Variants in ADGRL2 observed in about 807,000 individuals in gnomAD.
ADGRL2 encodes calcium-independent alpha-latrotoxin receptor 2.
ADGRL2 carries 44 observed loss-of-function variants against 157.4 expected under a neutral mutation model. That is an observed-to-expected ratio of 0.28 (90% CI 0.22 to 0.36). The LOEUF is 0.36. Among genes scored for constraint, ADGRL2 ranks in the 10% least tolerant of loss-of-function variants. The pLI is 1.00. For missense variants in ADGRL2, 1,510 were observed against 1,768.9 expected (o/e 0.85, Z 2.63); for synonymous variants, 585 against 624.7 (o/e 0.94, Z 0.95).
At position 81,950,289 on chromosome 1, in the gene ADGRL2, T is replaced by C. The variant is rs2149062593; in HGVS notation, c.1311T>C (p.Thr437=). The part of the protein sequence containing the change: ...TTSQKGPMST[T]VAGSQEGSKG... ...CACAGAAAGGCCCCATGAGCACAAC[T>C]GTAGCTGGATCACAGGAAGGAAGCA... The change falls in exon 7 of 24, where the codon ACT becomes ACC. Residue 437 remains threonine (T), a synonymous_variant. Transcript: ENST00000686636. 6.2e-6 allele frequency: 10 copies of C among 1,614,020 alleles called. No homozygotes were observed. The highest frequency in any genetic ancestry group is 8.5e-6 in the Non-Finnish European group (10 of 1,179,952).
intron 2 of ADGRL2, among the ~76,000 whole-genome samples, chr1:81,855,308 A>G (rs1400130454): frequency 6.6e-6 from 1 of 151,850 alleles, no homozygotes; most frequent in Non-Finnish European, 1.5e-5. Context: ...AGGCATAGTG[A>G]CATGCACCCA....
chr1:81,690,650 C>T (rs1437861460), intron 3 of ADGRL2, among the ~76,000 whole-genome samples: 1 of 152,084 alleles, frequency 6.6e-6, no homozygotes, highest in Non-Finnish European at 1.5e-5. Flanking sequence ...TTTTAATATT[C>T]CTAGTTAAAA....
rs185411549 is a variant in ADGRL2, at chr1:81,686,882, G to A, written c.-142-74929G>A. On this transcript the variant is annotated intron_variant, in intron 3 of 24. Coordinates refer to the ADGRL2 transcript ENST00000370721. ...TAATTTTTAAATTTCCATCTTGATC[G>A]TTTTTGACCCAAGATCATTCAGGAG... 2.3e-3 allele frequency among the ~76,000 whole-genome samples: 355 copies of A among 152,010 alleles called. 2 individuals carry two copies. The highest frequency in any genetic ancestry group is 8.0e-3 in the African/African-American group (332 of 41,524).
chr1:81,952,474 G>A (rs1294494743), intron 9 of ADGRL2, among the ~76,000 whole-genome samples: 1 of 152,058 alleles, frequency 6.6e-6, no homozygotes, highest in Non-Finnish European at 1.5e-5. Flanking sequence ...TACTTTATAT[G>A]CTAATACATG....
chr1:81,726,462 G>A (rs1204211736), intron 1 of ADGRL2, among the ~76,000 whole-genome samples: 1 of 152,126 alleles, frequency 6.6e-6, no homozygotes, highest in East Asian at 1.9e-4. Context: ...AGGCAACTGA[G>A]GAACTAAAAT....
chr1:81,912,222 C>G (rs1441188745), intron 3 of ADGRL2, among the ~76,000 whole-genome samples: 1 of 151,928 alleles, frequency 6.6e-6, no homozygotes, highest in Non-Finnish European at 1.5e-5. Context: ...TAGGCGCGCA[C>G]CACTGTGCCC....
At chr1:81,676,613 G>T (rs1357988910) in intron 3 of ADGRL2, among the ~76,000 whole-genome samples, 1 of 151,428 alleles carries the variant, frequency 6.6e-6, no homozygotes, top group Non-Finnish European at 1.5e-5. Context: ...GATTAACAAG[G>T]TTTTAAGGGG....
At chr1:81,529,127 T>G (rs1386107512) in intron 2 of ADGRL2, among the ~76,000 whole-genome samples, 1 of 152,178 alleles carries the variant, frequency 6.6e-6, no homozygotes, top group Non-Finnish European at 1.5e-5. Context: ...AAAGACATGA[T>G]GAAAAATGCT....
chr1:81,381,493 C>T (rs1022515195), intron 1 of ADGRL2, among the ~76,000 whole-genome samples: 1 of 152,102 alleles, frequency 6.6e-6, no homozygotes, highest in African/African-American at 2.4e-5. Context: ...GGAAGGATCA[C>T]TAGAGCCCAG....
intron 11 of ADGRL2, among the ~76,000 whole-genome samples, chr1:81,964,854 A>T (rs1413840672): frequency 6.6e-6 from 1 of 152,096 alleles, no homozygotes; most frequent in Non-Finnish European, 1.5e-5. Flanking sequence ...TGAATTTTTC[A>T]TATAATTCCT....
At chr1:81,975,382 C>T (rs1174864307) in intron 17 of ADGRL2, among the ~76,000 whole-genome samples, 3 of 152,078 alleles carry the variant, frequency 2.0e-5, no homozygotes, top group South Asian at 2.1e-4. Context: ...GTTTAAACTT[C>T]GTAGTATTTA....
upstream of ADGRL2, among the ~76,000 whole-genome samples, chr1:81,695,923 T>C (rs1307549923): frequency 6.6e-6 from 1 of 152,160 alleles, no homozygotes; most frequent in Non-Finnish European, 1.5e-5. Context: ...TTGGGCAGTA[T>C]CTCACTTCCA....
intron 3 of ADGRL2, among the ~76,000 whole-genome samples, chr1:81,644,936 G>C (rs2148816916): frequency 6.6e-6 from 1 of 152,246 alleles, no homozygotes; most frequent in East Asian, 1.9e-4. Context: ...TTCATATATT[G>C]TTGATAGGTT....
At chr1:81,457,524 A>G (rs2077831907) in intron 2 of ADGRL2, among the ~76,000 whole-genome samples, 1 of 152,160 alleles carries the variant, frequency 6.6e-6, no homozygotes, top group Admixed American at 6.5e-5. Context: ...AAGCAATACT[A>G]TTAAACAGTA....
intron 3 of ADGRL2, among the ~76,000 whole-genome samples, chr1:81,609,816 C>A (rs2081504298): frequency 1.3e-5 from 2 of 152,222 alleles, no homozygotes. Context: ...GGAGTTTTCT[C>A]TCAATATCTT....
chr1:81,813,459 CT>C (rs971305499), intron 1 of ADGRL2, among the ~76,000 whole-genome samples: 6 of 151,604 alleles, frequency 4.0e-5, no homozygotes, highest in African/African-American at 1.4e-4. Flanking sequence ...AGTAAGGAAA[CT>C]TGTTTAATAA....
intron 2 of ADGRL2, among the ~76,000 whole-genome samples, chr1:81,866,441 A>G (rs1343055078): frequency 6.6e-6 from 1 of 152,170 alleles, no homozygotes; most frequent in East Asian, 1.9e-4. Flanking sequence ...GTTTCATAGA[A>G]TAGTACTTGG....
At chr1:81,569,582 A>G (rs888108216) in intron 2 of ADGRL2, among the ~76,000 whole-genome samples, 1 of 152,154 alleles carries the variant, frequency 6.6e-6, no homozygotes, top group African/African-American at 2.4e-5. Context: ...CTGAGGCAAG[A>G]GGACCACTTG....
chr1:81,902,654 T>G (rs2094508359), intron 2 of ADGRL2, among the ~76,000 whole-genome samples: 1 of 50,100 alleles, frequency 2.0e-5, no homozygotes, highest in Non-Finnish European at 3.7e-5. Context: ...GGTCTCTGTT[T>G]TAATGTTAAG....
Sources: allele counts gnomAD v4.1 joint callset (sites outside exome capture counted in the v4.1 genomes callset), GRCh38; gene constraint gnomAD v4.1.1; transcripts MANE v1.5; gene names NCBI Gene and HGNC (gene_info 2026-07-23, HGNC 2026-07-21).